The following GRHL1 variants were observed in gnomAD, a reference collection of about 807,000 sequenced individuals.
GRHL1 encodes the protein grainyhead like transcription factor 1.
In GRHL1, 38 loss-of-function variants were observed where a neutral mutation model predicts 75.7. The observed-to-expected ratio is 0.50, with a 90% CI of 0.39 to 0.66. The LOEUF (loss-of-function observed/expected upper bound fraction) is 0.66. Ranked by LOEUF, GRHL1 falls within the 30% of genes least tolerant of loss-of-function variation. The pLI is 0.00. For synonymous variants in GRHL1, 266 were observed against 279.4 expected (o/e 0.95, Z 0.48); for missense variants, 589 against 767.5 (o/e 0.77, Z 2.75).
intron 8 of GRHL1, among the ~76,000 whole-genome samples, chr2:9,980,826 G>A (rs1327055096): frequency 6.6e-6 from 1 of 152,222 alleles, no homozygotes; most frequent in Non-Finnish European, 1.5e-5. Flanking sequence ...GTGCATTCCT[G>A]TATGTTTTAT....
At chr2:9,961,462 A>G in intron 4 of GRHL1, 26 bp downstream of exon 4, 4 of 1,576,712 alleles carry the variant, frequency 2.5e-6, no homozygotes, top group Non-Finnish European at 3.5e-6. Flanking sequence ...CATCTTCCTA[A>G]GACGCCTGCG....
intron 2 of GRHL1, among the ~76,000 whole-genome samples, chr2:9,958,394 G>T (rs1667128184): frequency 6.6e-6 from 1 of 152,072 alleles, no homozygotes; most frequent in South Asian, 2.1e-4. Context: ...TGCCCAGGCT[G>T]GTCTTGAACT....
chr2:9,952,253 C>T (rs1266734560), intron 1 of GRHL1, among the ~76,000 whole-genome samples: 2 of 152,154 alleles, frequency 1.3e-5, no homozygotes, highest in Non-Finnish European at 2.9e-5. Flanking sequence ...CCTCGGGAGC[C>T]TGGTGGGGCT....
At position 9,992,245 on chromosome 2, in the gene GRHL1, T is replaced by G. The variant is rs1339844270; in HGVS notation, c.1461+99T>G. On this transcript the variant is annotated intron_variant, in intron 11 of 15. Transcript: ENST00000324907. This position sits in a 1 kb window ranked among gnomAD's most constrained non-coding sequence, Gnocchi z 4.6. ...ATGGGAAACAGAAGCCAAAATTGAG[T>G]GAGGTTTGACCAGTTAGTCAGCTCT... is the stretch of plus-strand genomic sequence containing the variant. The G allele has an allele frequency of 3.5e-6, 4 of 1,130,154 alleles. No homozygotes were observed. The East Asian group carries it at 9.5e-5, about 27-fold the overall frequency. 70.0% of individuals were successfully genotyped at this position (1,130,154 alleles called of 1,614,324 possible).
chr2:9,981,332 A>T lies in GRHL1; in HGVS notation c.1111-4792A>T, dbSNP rs573776772. 2.0e-5 allele frequency among the ~76,000 whole-genome samples: 3 copies of T among 152,336 alleles called. No homozygotes were observed. In the South Asian group the frequency reaches 6.2e-4, roughly 32 times the overall value. ...GACACATGGGCACAGCACACACTGG[A>T]TGTCTTGCCAGGAAGTCGCTTATGC... is the stretch of plus-strand genomic sequence containing the variant. On this transcript the variant is annotated intron_variant, in intron 8 of 15. Coordinates refer to ENST00000324907, the MANE Select transcript of GRHL1 (RefSeq NM_198182.3).
intron 6 of GRHL1, 61 bp from the exon 7 acceptor site, chr2:9,964,174 C>T (rs113500799): frequency 3.2e-5 from 43 of 1,327,544 alleles, no homozygotes; most frequent in African/African-American, 2.3e-4. Context: ...GTACTAAATA[C>T]GTTTTCCAAA....
At chr2:9,982,453 C>A (rs1668241236) in intron 8 of GRHL1, among the ~76,000 whole-genome samples, 1 of 152,200 alleles carries the variant, frequency 6.6e-6, no homozygotes, top group South Asian at 2.1e-4. Flanking sequence ...AAATCAGAAT[C>A]TCTGGGGTGT....
intron 12 of GRHL1, 104 bp downstream of exon 12, chr2:9,993,348 A>G (rs933849241): frequency 1.8e-5 from 17 of 939,754 alleles, no homozygotes; most frequent in African/African-American, 1.3e-4. Flanking sequence ...TCCCTGAGCC[A>G]TCAAGGATAA....
intron 15 of GRHL1, among the ~76,000 whole-genome samples, chr2:9,999,310 T>C (rs993803622): frequency 6.6e-6 from 1 of 152,226 alleles, no homozygotes. Flanking sequence ...CTTGAGGAGA[T>C]CTTTGTGTAT....
In GRHL1 at chr2:10,000,672, G is replaced by A. The variant is rs533437343; in HGVS notation, c.1822G>A (p.Gly608Arg). 1.6e-5 allele frequency: 25 copies of A among 1,606,524 alleles called. No homozygotes were observed. The highest frequency in any genetic ancestry group is 5.5e-5 in the South Asian group (5 of 90,752). ...CTTCCAGCTGCAGATTGAAGAAGCC[G>A]GGGGGTCTTACAAGCTCACCCTGAC... ...DTFQLQIEEA[G>R]GSYKLTLTEI is the part of the protein sequence containing the mutation. Residue 608 changes from glycine (G) to arginine (R), a missense_variant, in exon 16 of 16, where the codon GGG (glycine) becomes AGG (arginine). Coordinates refer to ENST00000324907, the MANE Select transcript of GRHL1 (RefSeq NM_198182.3).
At chr2:9,986,710 G>A (rs567021653) in intron 9 of GRHL1, among the ~76,000 whole-genome samples, 40 of 152,082 alleles carry the variant, frequency 2.6e-4, no homozygotes, top group Non-Finnish European at 4.9e-4. Context: ...GAGCCACCGC[G>A]CCCAGCCTTT....
chr2:9,957,005 T>C lies in GRHL1; in HGVS notation c.208-1781T>C, dbSNP rs1030540061. 7.3e-5 allele frequency among the ~76,000 whole-genome samples: 11 copies of C among 151,268 alleles called. No homozygotes were observed. The South Asian group carries it at 1.0e-3, about 14-fold the overall frequency. On this transcript the variant is annotated intron_variant, in intron 2 of 15. Coordinates refer to ENST00000324907, the MANE Select transcript of GRHL1 (RefSeq NM_198182.3). ...TTATTTTCTTCTTCTTCTTCTTCTT[T>C]TTTTTTTTTTTAATAGAAGCAGAGT...
At chr2:9,989,010 C>T (rs1341636820) in intron 9 of GRHL1, among the ~76,000 whole-genome samples, 1 of 151,994 alleles carries the variant, frequency 6.6e-6, no homozygotes, top group African/African-American at 2.4e-5. Context: ...TTAGAAGGGA[C>T]AGAGAGACCC....
rs769307575 is a variant in GRHL1, at chr2:9,996,418, CTG to C, written c.1677+19_1677+20del. On this transcript the variant is annotated intron_variant, in intron 14 of 15. Coordinates refer to ENST00000324907, the MANE Select transcript of GRHL1 (RefSeq NM_198182.3). ...ATGGAAGCTGTAAGTAGGATCAACT[CTG>C]TAATCCCCTGTACAAAATGAAAGGA... The C allele has an allele frequency of 5.0e-6, 7 of 1,406,748 alleles. No homozygotes were observed. The highest frequency in any genetic ancestry group is 4.0e-6 in the Non-Finnish European group (4 of 990,474). 87.1% of individuals were successfully genotyped at this position (1,406,748 alleles called of 1,614,324 possible).
chr2:9,954,352 A>G (rs1242867168), intron 1 of GRHL1, among the ~76,000 whole-genome samples: 4 of 152,172 alleles, frequency 2.6e-5, no homozygotes, highest in Non-Finnish European at 5.9e-5. Context: ...GCTGGTAATC[A>G]GTAGAATATT....
chr2:10,000,800 G>A lies in GRHL1; in HGVS notation c.*93G>A, dbSNP rs543724626. 14 of 709,592 alleles carry A rather than the reference G, an allele frequency of 2.0e-5. No homozygotes were observed. Among genetic ancestry groups the A allele is most frequent in the African/African-American group, 1.6e-4 (9 of 57,116 alleles). The allele number at this position is 709,592 out of a possible 1,614,324, so 44.0% of individuals were successfully genotyped here. On this transcript the variant is annotated 3_prime_UTR_variant, in exon 16 of 16. Transcript: ENST00000324907. ...GCAGGTAACCCCAGTCAGCCATGTC[G>A]CCAGCACAGGTCTATGTCGAGGGAA... is the stretch of plus-strand genomic sequence containing the variant.
intron 8 of GRHL1, among the ~76,000 whole-genome samples, chr2:9,971,164 G>C (rs1264703863): frequency 6.6e-6 from 1 of 152,134 alleles, no homozygotes; most frequent in East Asian, 1.9e-4. Context: ...ATAATTTTCA[G>C]TTTGTTTGGA....
chr2:9,951,728 C>A lies in GRHL1; in HGVS notation c.-106C>A. ...AAGCAAACCCAACCCGTCGGGGCCG[C>A]CGCTCCGGACCCGCAGCCGCCGCCG... On this transcript the variant is annotated 5_prime_UTR_variant, in exon 1 of 16. Coordinates refer to ENST00000324907, the MANE Select transcript of GRHL1 (RefSeq NM_198182.3). This position sits in a 1 kb window ranked among gnomAD's most constrained non-coding sequence, Gnocchi z 4.2. The A allele has an allele frequency of 9.1e-7, 1 of 1,093,146 alleles. No individual in the cohort carries two copies. The highest frequency in any genetic ancestry group is 1.3e-6 in the Non-Finnish European group (1 of 775,746). The allele number at this position is 1,093,146 out of a possible 1,614,324, so 67.7% of individuals were successfully genotyped here.
chr2:9,961,557 A>G, intron 4 of GRHL1, 121 bp downstream of exon 4: 1 of 853,954 alleles, frequency 1.2e-6, no homozygotes, highest in Non-Finnish European at 1.7e-6. Flanking sequence ...GGAATAAAAG[A>G]TTTTTTTTTT....
Sources: gnomAD v4.1 joint callset for allele counts (sites outside exome capture counted in the v4.1 genomes callset) on GRCh38, gnomAD v4.1.1 for gene constraint, Gnocchi (gnomAD v3.1) non-coding constraint, MANE v1.5 for transcripts, NCBI Gene and HGNC (gene_info 2026-07-23, HGNC 2026-07-21) for gene names.